TSHR: variants seen among roughly 807,000 people sequenced by gnomAD.
TSHR encodes thyrotropin receptor.
In TSHR, 51 loss-of-function variants were observed where a neutral mutation model predicts 64.1. The ratio of observed to expected loss-of-function variants is 0.80; its 90% CI spans 0.64 to 1.01. The LOEUF (loss-of-function observed/expected upper bound fraction) is 1.01. Among genes scored for constraint, TSHR ranks in the 50% least tolerant of loss-of-function variants. TSHR has a pLI of 0.00. For missense variants in TSHR, 877 were observed against 942.8 expected (o/e 0.93, Z 0.91); for synonymous variants, 361 against 361.9 (o/e 1.00, Z 0.03).
chr14:81,082,533 C>T (rs544343994), intron 3 of TSHR, among the ~76,000 whole-genome samples: 1 of 152,178 alleles, frequency 6.6e-6, no homozygotes, highest in African/African-American at 2.4e-5. Context: ...CGAGTGCACT[C>T]AATAATAAAG....
chr14:80,980,898 A>G (rs1336341158), intron 1 of TSHR, among the ~76,000 whole-genome samples: 1 of 151,756 alleles, frequency 6.6e-6, no homozygotes, highest in East Asian at 1.9e-4. Flanking sequence ...TGTCTAATCC[A>G]TTTCTGTTAT....
chr14:81,143,418 T>A lies in TSHR; in HGVS notation c.1360T>A (p.Cys454Ser), dbSNP rs745326574. Residue 454 changes from cysteine to serine, a missense_variant, in exon 10 of 10, where the codon TGC (cysteine) becomes AGC (serine). Transcript: ENST00000298171. ...YKLNVPRFLM[C>S]NLAFADFCMG... is the part of the protein sequence containing the mutation. ...ACTGAACGTCCCCCGCTTTCTCATGTGCAACCTGGCCTTTGCGGATTTCTG... is the reference window on the plus strand; with the variant it reads ...ACTGAACGTCCCCCGCTTTCTCATGAGCAACCTGGCCTTTGCGGATTTCTG... The A allele has an allele frequency of 2.5e-6, 4 of 1,614,228 alleles. No homozygotes were observed. Among genetic ancestry groups the A allele is most frequent in the Non-Finnish European group, 3.4e-6 (4 of 1,180,046 alleles).
chr14:81,096,487 T>A, intron 6 of TSHR, 152 bp from the exon 7 acceptor site: 1 of 700,104 alleles, frequency 1.4e-6, no homozygotes, highest in South Asian at 1.6e-5. Context: ...CAACAACTTG[T>A]ACTGGAAAGT....
At chr14:81,001,823 T>C (rs986855299) in intron 1 of TSHR, 2 of 258,262 alleles carry the variant, frequency 7.7e-6, no homozygotes, top group African/African-American at 4.5e-5. Context: ...TCAGGCCACT[T>C]AGGGGAAGAG....
At chr14:80,965,112 G>C (rs141159363) in intron 1 of TSHR, among the ~76,000 whole-genome samples, 3 of 152,224 alleles carry the variant, frequency 2.0e-5, no homozygotes, top group Non-Finnish European at 2.9e-5. Flanking sequence ...AGCAAGGGCA[G>C]GGAGGAGGAG....
chr14:80,983,867 G>T (rs1299553007), intron 1 of TSHR, among the ~76,000 whole-genome samples: 1 of 152,152 alleles, frequency 6.6e-6, no homozygotes, highest in African/African-American at 2.4e-5. Flanking sequence ...TTCTTGTTTA[G>T]ATTGGCATAT....
At chr14:80,975,998 G>A (rs568792590) in intron 1 of TSHR, among the ~76,000 whole-genome samples, 9 of 150,942 alleles carry the variant, frequency 6.0e-5, no homozygotes, top group East Asian at 3.9e-4. Context: ...TGCAAGCTCC[G>A]CCTCCCGGGT....
rs181603919 is a variant in TSHR, at chr14:81,024,085, G to A, written c.171-38063G>A. 1.2e-4 allele frequency among the ~76,000 whole-genome samples: 18 copies of A among 152,192 alleles called. No individual in the cohort carries two copies. In the East Asian group the frequency reaches 2.3e-3, roughly 20 times the overall value. Reference sequence around the variant, plus strand: ...GGCAAAACCTGATTCTCCTGTTATCGTCACATTTTTAAAACCAAACATCTT... The same window carrying A: ...GGCAAAACCTGATTCTCCTGTTATCATCACATTTTTAAAACCAAACATCTT... On this transcript the variant is annotated intron_variant, in intron 1 of 9. Coordinates refer to ENST00000298171, the MANE Select transcript of TSHR (RefSeq NM_000369.5).
At chr14:81,090,751 A>T (rs1180159942) in intron 4 of TSHR, among the ~76,000 whole-genome samples, 1 of 152,182 alleles carries the variant, frequency 6.6e-6, no homozygotes, top group Non-Finnish European at 1.5e-5. Context: ...AGAAAATCAC[A>T]CACACACACA....
chr14:81,144,614 T>G lies in TSHR; in HGVS notation c.*261T>G. 2.0e-6 allele frequency: 1 copy of G among 499,480 alleles called. No homozygotes were observed. The highest frequency in any genetic ancestry group is 2.6e-5 in the South Asian group (1 of 38,152). 30.9% of individuals were successfully genotyped at this position (499,480 alleles called of 1,614,324 possible). ...AATAATCTACACTATCTAGAAGACT[T>G]TCTTGATGCCAAGTCCAGAGATGTC... is the stretch of plus-strand genomic sequence containing the variant. On this transcript the variant is annotated 3_prime_UTR_variant, in exon 10 of 10. Transcript: ENST00000298171.
intron 3 of TSHR, among the ~76,000 whole-genome samples, chr14:81,081,148 C>T (rs1379059945): frequency 1.3e-5 from 2 of 152,100 alleles, no homozygotes; most frequent in East Asian, 1.9e-4. Context: ...TGAATAGCCA[C>T]TGCACTCCAG....
chr14:81,045,633 T>A lies in TSHR; in HGVS notation c.171-16515T>A, dbSNP rs528722679. ...CATTCAGCTCCCACTTGGTTTTTTT[T>A]CATCATCACTGCTGTTTCAATGAAA... On this transcript the variant is annotated intron_variant, in intron 1 of 9. Coordinates refer to ENST00000298171, the MANE Select transcript of TSHR (RefSeq NM_000369.5). 3.3e-5 allele frequency among the ~76,000 whole-genome samples: 5 copies of A among 152,276 alleles called. No homozygotes were observed. The East Asian group carries it at 9.7e-4, about 29-fold the overall frequency.
At position 81,037,448 on chromosome 14, in the gene TSHR, A is replaced by AAAAAAAAAAAAAAAAAC. The variant is rs1273226258; in HGVS notation, c.171-24698_171-24697insAAAAAAAAAAAAAACAA. On this transcript the variant is annotated intron_variant, in intron 1 of 9. Coordinates refer to ENST00000298171, the MANE Select transcript of TSHR (RefSeq NM_000369.5). Reference sequence around the variant, plus strand: ...ACAAACAAACAAACAAACAAACAAAAAACAGAAAATGATCTAACAAAATGT... The same window carrying AAAAAAAAAAAAAAAAAC: ...ACAAACAAACAAACAAACAAACAAAAAAAAAAAAAAAAAAAACAACAGAAAATGATCTAACAAAATGT... 7.2e-4 allele frequency among the ~76,000 whole-genome samples: 92 copies of AAAAAAAAAAAAAAAAAC among 128,246 alleles called. 3 individuals are homozygous for AAAAAAAAAAAAAAAAAC. The highest frequency in any genetic ancestry group is 1.2e-3 in the Non-Finnish European group (66 of 54,266). 84.1% of individuals were successfully genotyped at this position (128,246 alleles called of 152,430 possible). A position where few individuals can be genotyped will look rare whatever the true frequency, so the allele number is the denominator to read the frequency against.
At chr14:81,136,124 A>G (rs553426841) in intron 8 of TSHR, among the ~76,000 whole-genome samples, 2 of 152,336 alleles carry the variant, frequency 1.3e-5, no homozygotes, top group East Asian at 3.9e-4. Flanking sequence ...AGGGCATGGT[A>G]GGAAGCGTGG....
intron 1 of TSHR, 24 bp downstream of exon 1, chr14:80,955,874 G>A (rs759562537): frequency 1.9e-6 from 3 of 1,613,906 alleles, no homozygotes; most frequent in Admixed American, 1.7e-5. Context: ...AGAGATCAGG[G>A]TAGGACCCAG....
At chr14:80,982,703 C>T (rs1594915823) in intron 1 of TSHR, 1 of 906,752 alleles carries the variant, frequency 1.1e-6, no homozygotes, top group South Asian at 2.8e-5. Context: ...TCCCAGGCAT[C>T]TAAGGCAAGC....
intron 3 of TSHR, among the ~76,000 whole-genome samples, chr14:81,085,393 C>G (rs1295060157): frequency 1.3e-5 from 2 of 152,210 alleles, no homozygotes; most frequent in Non-Finnish European, 2.9e-5. Context: ...TGCCTTACCT[C>G]AGAAAGCAGC....
chr14:81,022,679 G>A (rs1357371201), intron 1 of TSHR, among the ~76,000 whole-genome samples: 1 of 151,944 alleles, frequency 6.6e-6, no homozygotes, highest in African/African-American at 2.4e-5. Context: ...AAATTAGCCG[G>A]GCATGGTGGC....
chr14:81,124,992 T>A (rs1049777962), intron 8 of TSHR, among the ~76,000 whole-genome samples: 1 of 152,222 alleles, frequency 6.6e-6, no homozygotes, highest in African/African-American at 2.4e-5. Flanking sequence ...TACTCACTTA[T>A]TCCACAGCCA....
Sources: gnomAD v4.1 joint callset for allele counts (sites outside exome capture counted in the v4.1 genomes callset) on GRCh38, gnomAD v4.1.1 for gene constraint, MANE v1.5 for transcripts, NCBI Gene and HGNC (gene_info 2026-07-23, HGNC 2026-07-21) for gene names.